PHF2: variants seen among roughly 807,000 people sequenced by gnomAD.
PHF2 encodes the protein PHD finger protein 2.
Under a neutral mutation model 120.5 loss-of-function variants are expected in PHF2, and 27 were observed. That is an observed-to-expected ratio of 0.22 (90% confidence interval 0.17 to 0.31). PHF2 has a LOEUF of 0.31. Among genes scored for constraint, PHF2 ranks in the 10% least tolerant of loss-of-function variants. The pLI, the probability that PHF2 is intolerant of heterozygous loss-of-function variation, is 1.00. For synonymous variants in PHF2, 568 were observed against 592.5 expected (o/e 0.96, Z 0.60); for missense variants, 1,024 against 1,434.8 (o/e 0.71, Z 4.63).
At chr9:93,598,291 G>C (rs888558800) in intron 1 of PHF2, among the ~76,000 whole-genome samples, 1 of 152,166 alleles carries the variant, frequency 6.6e-6, no homozygotes, top group African/African-American at 2.4e-5. Context: ...GCATTTAATC[G>C]CGATTCACTC....
At chr9:93,595,071 A>C (rs919066113) in intron 1 of PHF2, among the ~76,000 whole-genome samples, 3 of 152,236 alleles carry the variant, frequency 2.0e-5, no homozygotes, top group African/African-American at 7.2e-5. Context: ...GTACTTATAG[A>C]TGCTAAATAA....
In PHF2 at chr9:93,612,235, C is replaced by G. The variant is rs200635220; in HGVS notation, c.99-17735C>G. On this transcript the variant is annotated intron_variant, in intron 1 of 21. Coordinates refer to ENST00000359246, the MANE Select transcript of PHF2 (RefSeq NM_005392.4). Reference sequence around the variant, plus strand: ...TAATCTTGCTGCTGCAGTGAATACACATGATCCACGTATCTATGGGGAGAG... The same window carrying G: ...TAATCTTGCTGCTGCAGTGAATACAGATGATCCACGTATCTATGGGGAGAG... Among the ~76,000 whole-genome samples, 3 of 152,374 alleles carry G rather than the reference C, an allele frequency of 2.0e-5. No homozygotes were observed. In the East Asian group the frequency reaches 5.8e-4, roughly 29 times the overall value.
At chr9:93,603,417 T>A (rs1034045536) in intron 1 of PHF2, among the ~76,000 whole-genome samples, 3 of 152,150 alleles carry the variant, frequency 2.0e-5, no homozygotes, top group Non-Finnish European at 4.4e-5. Context: ...GTTGTGGTTA[T>A]TTTTGAGAAG....
At chr9:93,592,642 T>G (rs1348132319) in intron 1 of PHF2, among the ~76,000 whole-genome samples, 9 of 152,166 alleles carry the variant, frequency 5.9e-5, no homozygotes, top group Admixed American at 5.9e-4. Context: ...TTGTCCGTCC[T>G]TTCTTCTCTT....
chr9:93,617,381 C>T (rs550342640), intron 1 of PHF2, among the ~76,000 whole-genome samples: 12 of 152,328 alleles, frequency 7.9e-5, no homozygotes, highest in East Asian at 7.7e-4. Flanking sequence ...TCAGAAGAGT[C>T]GCTTCCCCTC....
chr9:93,625,746 G>A (rs924353380), intron 1 of PHF2, among the ~76,000 whole-genome samples: 1 of 151,702 alleles, frequency 6.6e-6, no homozygotes, highest in African/African-American at 2.4e-5. Flanking sequence ...CCAAAGTACT[G>A]GGATTACAGG....
At chr9:93,593,609 T>C (rs984528344) in intron 1 of PHF2, among the ~76,000 whole-genome samples, 1 of 152,242 alleles carries the variant, frequency 6.6e-6, no homozygotes, top group Non-Finnish European at 1.5e-5. Flanking sequence ...ATATAAAGAA[T>C]GAATATTTTA....
At chr9:93,639,899 C>G (rs1432636013) in intron 3 of PHF2, among the ~76,000 whole-genome samples, 3 of 152,204 alleles carry the variant, frequency 2.0e-5, no homozygotes, top group African/African-American at 7.2e-5. Flanking sequence ...CCTCTGAGCT[C>G]TGAATGTGAA....
intron 3 of PHF2, among the ~76,000 whole-genome samples, chr9:93,641,311 T>G (rs549557783): frequency 1.5e-4 from 21 of 138,552 alleles, no homozygotes; most frequent in African/African-American, 5.4e-4. Flanking sequence ...GATTAAGGAG[T>G]TTTTAACTCT....
At chr9:93,650,461 G>T (rs1043207124) in intron 5 of PHF2, among the ~76,000 whole-genome samples, 1 of 152,222 alleles carries the variant, frequency 6.6e-6, no homozygotes, top group Admixed American at 6.5e-5. Flanking sequence ...AGATCCTGCA[G>T]GGGCGGCTGC....
chr9:93,656,599 C>T lies in PHF2; in HGVS notation c.1147+4C>T. On this transcript the variant is annotated splice_donor_region_variant and intron_variant, in intron 9 of 21. Coordinates refer to ENST00000359246, the MANE Select transcript of PHF2 (RefSeq NM_005392.4). The surrounding 1 kb of genome is among the most constrained non-coding windows in gnomAD (Gnocchi z 4.1). ...CACCTGCTGGAGGCATTCAAAGGTACTGGTCACTCCGGGGTGGGCGTCCAA... is the reference window on the plus strand; with the variant it reads ...CACCTGCTGGAGGCATTCAAAGGTATTGGTCACTCCGGGGTGGGCGTCCAA... The T allele has an allele frequency of 6.2e-7, 1 of 1,605,298 alleles. No individual in the cohort carries two copies. Among genetic ancestry groups the T allele is most frequent in the South Asian group, 1.1e-5 (1 of 90,936 alleles).
chr9:93,674,974 C>A lies in PHF2; in HGVS notation c.2674C>A (p.Arg892=), dbSNP rs766009226. The stretch of plus-strand genomic sequence containing the variant: ...TGAAGACAACCCCATCTTTAAGTCC[C>A]GGTCGAAGAAAAGGAAAGGCTCAGA... ...SDEDNPIFKS[R]SKKRKGSDDA... is the part of the protein sequence containing the mutation. The change falls in exon 19 of 22, where the codon CGG becomes AGG. Residue 892 remains arginine (R), a synonymous_variant. Coordinates refer to ENST00000359246, the MANE Select transcript of PHF2 (RefSeq NM_005392.4). 1.9e-6 allele frequency: 3 copies of A among 1,613,790 alleles called. No homozygotes were observed. In the East Asian group the frequency reaches 6.7e-5, roughly 36 times the overall value.
intron 1 of PHF2, among the ~76,000 whole-genome samples, chr9:93,591,498 T>C (rs532880328): frequency 5.3e-5 from 8 of 152,298 alleles, no homozygotes; most frequent in African/African-American, 1.9e-4. Context: ...GGAGCAAGCC[T>C]CTTTTCACAA....
At chr9:93,663,103 CTG>C in intron 13 of PHF2, 77 bp downstream of exon 13, 3 of 1,580,478 alleles carry the variant, frequency 1.9e-6, no homozygotes, top group East Asian at 2.3e-5. Flanking sequence ...CTGTGAGGCC[CTG>C]TGTGTGTGAA....
chr9:93,588,716 C>T lies in PHF2; in HGVS notation c.98+11845C>T, dbSNP rs146130135. ...ACCAGCCTAGCCAACCTGGTGAAAC[C>T]CTGTCTGTACTAAACATACAAAAAA... On this transcript the variant is annotated intron_variant, in intron 1 of 21. Coordinates refer to ENST00000359246, the MANE Select transcript of PHF2 (RefSeq NM_005392.4). 1.3e-4 allele frequency among the ~76,000 whole-genome samples: 20 copies of T among 152,236 alleles called. No individual in the cohort carries two copies. In the East Asian group the frequency reaches 3.5e-3, roughly 26 times the overall value.
At position 93,662,807 on chromosome 9, in the gene PHF2, G is replaced by A. The variant is rs368413010; in HGVS notation, c.1699-100G>A. On this transcript the variant is annotated intron_variant, in intron 12 of 21. Coordinates refer to ENST00000359246, the MANE Select transcript of PHF2 (RefSeq NM_005392.4). ...GGGTAGATGGATGGAGGCTTGAGCT[G>A]CAAGCACATGGGCCAGAAGAAGACA... 4.1e-5 allele frequency: 59 copies of A among 1,438,776 alleles called. No homozygotes were observed. The East Asian group carries it at 4.6e-4, about 11-fold the overall frequency. The allele number at this position is 1,438,776 out of a possible 1,614,324, so 89.1% of individuals were successfully genotyped here. A position where few individuals can be genotyped will look rare whatever the true frequency, so the allele number is the denominator to read the frequency against.
At chr9:93,599,967 A>T (rs1242299189) in intron 1 of PHF2, among the ~76,000 whole-genome samples, 1 of 152,216 alleles carries the variant, frequency 6.6e-6, no homozygotes, top group African/African-American at 2.4e-5. Context: ...CACGGCCCTC[A>T]TGCTGCCCAG....
At chr9:93,619,307 A>G (rs1442128543) in intron 1 of PHF2, among the ~76,000 whole-genome samples, 1 of 152,120 alleles carries the variant, frequency 6.6e-6, no homozygotes, top group Non-Finnish European at 1.5e-5. Context: ...GTTGGAGCCC[A>G]TCTCTTAGGG....
intron 17 of PHF2, chr9:93,671,055 G>A: frequency 2.0e-6 from 2 of 979,552 alleles, no homozygotes; most frequent in Non-Finnish European, 2.4e-6. Flanking sequence ...AGGTGCAGGT[G>A]TAGATGCAGG....
Sources: allele counts gnomAD v4.1 joint callset (sites outside exome capture counted in the v4.1 genomes callset), GRCh38; gene constraint gnomAD v4.1.1; non-coding constraint Gnocchi (gnomAD v3.1); transcripts MANE v1.5; gene names NCBI Gene and HGNC (gene_info 2026-07-23, HGNC 2026-07-21).